LRRC7: variants seen among roughly 807,000 people sequenced by gnomAD.
The protein encoded by LRRC7 is leucine-rich repeat-containing protein 7.
A neutral mutation model predicts 175.7 loss-of-function variants in LRRC7; 23 were observed. The observed-to-expected ratio is 0.13, with a 90% CI of 0.09 to 0.19. The LOEUF (loss-of-function observed/expected upper bound fraction) is 0.19. Ranked by LOEUF, LRRC7 falls within the 10% of genes least tolerant of loss-of-function variation. LRRC7 has a pLI of 1.00. For synonymous variants in LRRC7, 685 were observed against 680.9 expected (o/e 1.01, Z -0.09); for missense variants, 1,354 against 1,904.7 (o/e 0.71, Z 5.38).
At chr1:69,627,445 T>C (rs1651780276) in intron 1 of LRRC7, among the ~76,000 whole-genome samples, 1 of 152,180 alleles carries the variant, frequency 6.6e-6, no homozygotes, top group African/African-American at 2.4e-5. Flanking sequence ...TTTAAATTTG[T>C]TTAAGTTCTC....
chr1:70,015,791 G>T (rs1656914116), intron 13 of LRRC7, among the ~76,000 whole-genome samples: 1 of 152,130 alleles, frequency 6.6e-6, no homozygotes, highest in Non-Finnish European at 1.5e-5. Context: ...ACTACACATT[G>T]CATGAAGGTC....
intron 2 of LRRC7, among the ~76,000 whole-genome samples, chr1:69,752,774 T>A (rs1392264941): frequency 6.6e-6 from 1 of 152,130 alleles, no homozygotes; most frequent in South Asian, 2.1e-4. Flanking sequence ...ACAATATCAT[T>A]CAAGAGAGAA....
intron 1 of LRRC7, among the ~76,000 whole-genome samples, chr1:69,580,769 A>G (rs1049953126): frequency 2.6e-5 from 4 of 152,328 alleles, no homozygotes; most frequent in Non-Finnish European, 2.9e-5. Context: ...TTTACAGTCT[A>G]ATGGTATAGA....
At chr1:70,082,081 A>T (rs1195552731) in intron 24 of LRRC7, among the ~76,000 whole-genome samples, 1 of 152,210 alleles carries the variant, frequency 6.6e-6, no homozygotes, top group Non-Finnish European at 1.5e-5. Flanking sequence ...ACAGGATTTC[A>T]GACTTCTCTT....
chr1:69,818,733 C>T (rs1292623809), intron 4 of LRRC7, among the ~76,000 whole-genome samples: 2 of 151,972 alleles, frequency 1.3e-5, no homozygotes, highest in Non-Finnish European at 2.9e-5. Context: ...GGGTACTGGG[C>T]TTTTCATTGT....
chr1:69,748,837 T>C (rs1391183604), intron 2 of LRRC7, among the ~76,000 whole-genome samples: 2 of 152,178 alleles, frequency 1.3e-5, no homozygotes, highest in African/African-American at 4.8e-5. Context: ...TCTTTTATTC[T>C]GTGTCTTTTT....
rs950556517 is a variant in LRRC7 at position 70,130,877 on chromosome 1, T to G, written c.*8990T>G. ...CCACCTACCTATTTAGCTCTAAATT[T>G]TAATCAAACTGCTGCCAAATGCTGC... On this transcript the variant is annotated 3_prime_UTR_variant, in exon 27 of 27. Transcript: ENST00000651989. 6.6e-6 allele frequency among the ~76,000 whole-genome samples: 1 copy of G among 152,202 alleles called. No individual in the cohort carries two copies. The highest frequency in any genetic ancestry group is 1.5e-5 in the Non-Finnish European group (1 of 68,036).
chr1:69,865,468 C>CCTTTTTTTTTTTTTT (rs1684818963), intron 7 of LRRC7, among the ~76,000 whole-genome samples: 1 of 21,486 alleles, frequency 4.7e-5, no homozygotes, highest in Non-Finnish European at 1.0e-4. Flanking sequence ...GAAGACAGTT[C>CCTTTTTTTTTTTTTT]CTTTTTTTTT....
chr1:70,017,855 T>C (rs561094775), intron 14 of LRRC7, among the ~76,000 whole-genome samples: 2 of 152,234 alleles, frequency 1.3e-5, no homozygotes, highest in South Asian at 4.1e-4. Context: ...ATGTGAACTA[T>C]GCTAATGTAA....
rs757658968 is a variant in LRRC7 at position 69,717,814 on chromosome 1, GA to G, written c.100+39339del. Among the ~76,000 whole-genome samples, 116 of 25,398 alleles carry G rather than the reference GA, an allele frequency of 4.6e-3. 8 individuals carry two copies. Among genetic ancestry groups the G allele is most frequent in the African/African-American group, 0.015 (56 of 3,860 alleles). The allele number at this position is 25,398 out of a possible 152,430, so 16.7% of individuals were successfully genotyped here. ...AGAAAGAAAGAAAGAAAGAAAGAAAGAAAGAAAGAAAGAAAGAAAGAAAGAA... is the reference window on the plus strand; with the variant it reads ...AGAAAGAAAGAAAGAAAGAAAGAAAGAAGAAAGAAAGAAAGAAAGAAAGAA... On this transcript the variant is annotated intron_variant, in intron 2 of 26. Coordinates refer to ENST00000651989, the MANE Select transcript of LRRC7 (RefSeq NM_001370785.2).
chr1:70,004,323 G>A (rs999010223), intron 11 of LRRC7, among the ~76,000 whole-genome samples: 1 of 152,134 alleles, frequency 6.6e-6, no homozygotes, highest in Non-Finnish European at 1.5e-5. Flanking sequence ...AGCAGCCCAA[G>A]CAACTTATGT....
chr1:69,920,925 A>G (rs1031223406), intron 7 of LRRC7, among the ~76,000 whole-genome samples: 1 of 152,184 alleles, frequency 6.6e-6, no homozygotes. Context: ...TCCCAGGCTC[A>G]GAAGACAATT....
At chr1:69,919,280 C>T in intron 7 of LRRC7, 1 of 507,284 alleles carries the variant, frequency 2.0e-6, no homozygotes, top group Non-Finnish European at 3.5e-6. Flanking sequence ...AATGTATTTG[C>T]TAGATACATT....
chr1:70,026,679 T>C (rs1233733528), intron 17 of LRRC7, among the ~76,000 whole-genome samples: 1 of 152,174 alleles, frequency 6.6e-6, no homozygotes, highest in East Asian at 1.9e-4. Context: ...CCTTATTTAT[T>C]TGAGAGTTTA....
chr1:69,700,507 A>G (rs1443236359), intron 2 of LRRC7, among the ~76,000 whole-genome samples: 4 of 152,196 alleles, frequency 2.6e-5, no homozygotes, highest in Non-Finnish European at 5.9e-5. Flanking sequence ...AGAATCCCAC[A>G]TTAACCTTCA....
intron 2 of LRRC7, among the ~76,000 whole-genome samples, chr1:69,693,782 C>A (rs1662208053): frequency 1.3e-5 from 2 of 152,150 alleles, no homozygotes; most frequent in Admixed American, 1.3e-4. Flanking sequence ...AACTCTATTT[C>A]AGGGGGTCTG....
rs113503963 is a variant in LRRC7, at chr1:69,568,369, C to A, written c.-271C>A. On this transcript the variant is annotated 5_prime_UTR_variant, in exon 1 of 27. Coordinates refer to ENST00000651989, the MANE Select transcript of LRRC7 (RefSeq NM_001370785.2). The stretch of plus-strand genomic sequence containing the variant: ...GGGAGTGGACGCGCTCCTGCCTCCC[C>A]CGCCGGCGCTTCGGGCTTCCCCTCA... The A allele has an allele frequency of 4.8e-6, 1 of 206,838 alleles. No homozygotes were observed. The highest frequency in any genetic ancestry group is 5.7e-5 in the South Asian group (1 of 17,498). 12.8% of individuals were successfully genotyped at this position (206,838 alleles called of 1,614,324 possible). A position where few individuals can be genotyped will look rare whatever the true frequency, so the allele number is the denominator to read the frequency against.
intron 1 of LRRC7, among the ~76,000 whole-genome samples, chr1:69,583,801 C>T (rs1017840117): frequency 6.6e-6 from 1 of 152,096 alleles, no homozygotes; most frequent in East Asian, 1.9e-4. Flanking sequence ...CACTGTCTCT[C>T]AATTTTTTTC....
chr1:69,925,762 A>G (rs1220875497), intron 7 of LRRC7, among the ~76,000 whole-genome samples: 16 of 151,744 alleles, frequency 1.1e-4, no homozygotes. Flanking sequence ...TCCTGGATTC[A>G]TTAATTTTTT....
Sources: allele counts gnomAD v4.1 joint callset (sites outside exome capture counted in the v4.1 genomes callset), GRCh38; gene constraint gnomAD v4.1.1; transcripts MANE v1.5; gene names NCBI Gene and HGNC (gene_info 2026-07-23, HGNC 2026-07-21).